Variants in SP1 observed in about 807,000 individuals in gnomAD.
The protein encoded by SP1 is transcription factor Sp1.
A neutral mutation model predicts 66.3 loss-of-function variants in SP1; 6 were observed. The observed-to-expected ratio is 0.09, with a 90% CI of 0.05 to 0.18. The LOEUF (loss-of-function observed/expected upper bound fraction) is 0.18, where lower values mean the gene tolerates loss of function less well. Among genes scored for constraint, SP1 ranks in the 10% least tolerant of loss-of-function variants. The pLI, the probability that SP1 is intolerant of heterozygous loss-of-function variation, is 1.00. For missense variants in SP1, 848 were observed against 964.5 expected (o/e 0.88, Z 1.60); for synonymous variants, 417 against 360.8 (o/e 1.16, Z -1.77).
chr12:53,405,982 AACTT>A (rs1425235756), intron 3 of SP1, among the ~76,000 whole-genome samples: 1 of 126,820 alleles, frequency 7.9e-6, no homozygotes, highest in African/African-American at 3.3e-5. Flanking sequence ...TGTACCGTAA[AACTT>A]AAAGTATAAT....
intron 3 of SP1, among the ~76,000 whole-genome samples, chr12:53,404,542 C>CAA (rs373558863): frequency 6.6e-4 from 63 of 95,798 alleles, no homozygotes; most frequent in Non-Finnish European, 7.6e-4. Context: ...AACTCAGTCT[C>CAA]AAAAAAAAAA....
chr12:53,383,121 C>G lies in SP1; in HGVS notation c.1174C>G (p.Gln392Glu), dbSNP rs1938147171. The G allele has an allele frequency of 6.2e-7, 1 of 1,614,214 alleles. No homozygotes were observed. Among genetic ancestry groups the G allele is most frequent in the African/African-American group, 1.3e-5 (1 of 75,036 alleles). ...AGQQKEGEQN[Q>E]QTQQQQILIQ... ...CCAGCAAAAAGAAGGAGAGCAAAAC[C>G]AGCAGACACAGCAGCAACAAATTCT... The change falls in exon 3 of 6, where the codon CAG becomes GAG. Residue 392 changes from glutamine to glutamate, a missense_variant. Gln to Glu is a conservative substitution (Grantham distance 29, BLOSUM62 2). Around this residue, in one of 7 missense-constraint regions of SP1, gnomAD observed 606 missense variants for 589.9 expected, o/e 1.03. Transcript: ENST00000327443.
At chr12:53,410,475 C>A (rs1938856848) in intron 5 of SP1, among the ~76,000 whole-genome samples, 2 of 151,932 alleles carry the variant, frequency 1.3e-5, no homozygotes, top group Admixed American at 1.3e-4. Flanking sequence ...TTCCTCACGC[C>A]CCCGCCAAAA....
chr12:53,408,680 G>GCAGA (rs1938808426), intron 4 of SP1, among the ~76,000 whole-genome samples: 1 of 151,654 alleles, frequency 6.6e-6, no homozygotes, highest in African/African-American at 2.4e-5. Flanking sequence ...GCCGAGGTGG[G>GCAGA]TGGATCACAA....
rs190710304 is a variant in SP1 at position 53,410,752 on chromosome 12, C to A, written c.2045-175C>A. Among the ~76,000 whole-genome samples, 6 of 152,258 alleles carry A rather than the reference C, an allele frequency of 3.9e-5. No homozygotes were observed. In the East Asian group the frequency reaches 1.2e-3, roughly 29 times the overall value. ...TCGTGATCTGCCCGCCTTGGCCTCC[C>A]AAAGTGCTGGGATTACAAGCGTGAG... On this transcript the variant is annotated intron_variant, in intron 5 of 5. Transcript: ENST00000327443.
At chr12:53,393,445 A>G (rs1481185044) in intron 3 of SP1, among the ~76,000 whole-genome samples, 1 of 148,610 alleles carries the variant, frequency 6.7e-6, no homozygotes, top group Non-Finnish European at 1.5e-5. Context: ...CCACCATGCC[A>G]GCTAATTTTG....
intron 3 of SP1, among the ~76,000 whole-genome samples, chr12:53,389,868 T>G (rs187213302): frequency 5.3e-5 from 8 of 152,228 alleles, no homozygotes; most frequent in Non-Finnish European, 8.8e-5. Flanking sequence ...GGCAGGAGAA[T>G]AGAACATATT....
At position 53,416,074 on chromosome 12, in the gene SP1, C is replaced by T. The variant is rs189979765; in HGVS notation, c.*4834C>T. 1 of 152,778 alleles carries T rather than the reference C, an allele frequency of 6.5e-6. No homozygotes were observed. Among genetic ancestry groups the T allele is most frequent in the Non-Finnish European group, 1.5e-5 (1 of 68,036 alleles). 9.5% of individuals were successfully genotyped at this position (152,778 alleles called of 1,614,324 possible). ...GGTGCCTAAAAACCCAAGTTTATTT[C>T]TCTCTTAACACTGGCAATAACCAGT... On this transcript the variant is annotated 3_prime_UTR_variant, in exon 6 of 6. Transcript: ENST00000327443.
rs568783177 is a variant in SP1, at chr12:53,403,942, C to T, written c.1676-2643C>T. On this transcript the variant is annotated intron_variant, in intron 3 of 5. Transcript: ENST00000327443. ...ATCCCAGCACTTTGGGAGGCCGAGG[C>T]GGGCGGATCATGAGGTCAGGAGACC... Among the ~76,000 whole-genome samples, 20 of 151,680 alleles carry T rather than the reference C, an allele frequency of 1.3e-4. No individual in the cohort carries two copies. In the East Asian group the frequency reaches 2.4e-3, roughly 18 times the overall value.
chr12:53,405,279 G>T (rs1437471113), intron 3 of SP1, among the ~76,000 whole-genome samples: 6 of 152,134 alleles, frequency 3.9e-5, no homozygotes, highest in African/African-American at 1.4e-4. Context: ...GTAAATATAT[G>T]GGCATTGCTG....
chr12:53,380,619 G>A (rs1938065105), intron 1 of SP1: 1 of 1,008,066 alleles, frequency 9.9e-7, no homozygotes, highest in South Asian at 4.6e-5. Flanking sequence ...GGGGGCTGGA[G>A]CCGCGGGGGC....
chr12:53,388,567 A>G lies in SP1; in HGVS notation c.1675+4945A>G, dbSNP rs530052143. On this transcript the variant is annotated intron_variant, in intron 3 of 5. Coordinates refer to ENST00000327443, the MANE Select transcript of SP1 (RefSeq NM_138473.3). ...GATCCAAGTTTTCTCCTTTCTGGCT[A>G]GTAATAATTGTGTAGTATTTCCCCT... 9.8e-5 allele frequency among the ~76,000 whole-genome samples: 15 copies of G among 152,322 alleles called. No homozygotes were observed. In the East Asian group the frequency reaches 2.9e-3, roughly 29 times the overall value.
In SP1 at chr12:53,393,517, A is replaced by G. The variant is rs182852925; in HGVS notation, c.1675+9895A>G. On this transcript the variant is annotated intron_variant, in intron 3 of 5. Transcript: ENST00000327443. ...AGGCTGGTGTCGAACTCCTGACCTC[A>G]GGTGATCTGCTCACCTCAGCCTCCC... 1.8e-3 allele frequency among the ~76,000 whole-genome samples: 278 copies of G among 151,242 alleles called. 1 individual carries two copies. The highest frequency in any genetic ancestry group is 1.8e-3 in the Non-Finnish European group (122 of 67,910).
intron 4 of SP1, among the ~76,000 whole-genome samples, chr12:53,407,180 G>A (rs1266523956): frequency 6.6e-6 from 1 of 151,180 alleles, no homozygotes; most frequent in East Asian, 2.0e-4. Context: ...TATAATCCCA[G>A]CACTTTGGGA....
chr12:53,413,632 C>T lies in SP1; in HGVS notation c.*2392C>T, dbSNP rs1938940161. ...CAGCCACTATCATACCCTTTATTCT[C>T]ACTGAAAGGCAGAACTCAGAACCTG... On this transcript the variant is annotated 3_prime_UTR_variant, in exon 6 of 6. Coordinates refer to ENST00000327443, the MANE Select transcript of SP1 (RefSeq NM_138473.3). 6.6e-6 allele frequency: 1 copy of T among 152,606 alleles called. No homozygotes were observed. The highest frequency in any genetic ancestry group is 2.4e-5 in the African/African-American group (1 of 41,454). The allele number at this position is 152,606 out of a possible 1,614,324, so 9.5% of individuals were successfully genotyped here.
Position 53,383,071 on chromosome 12 carries a change from C to T in SP1, c.1124C>T (p.Thr375Ile), listed in dbSNP as rs1466287015. ...GCTCTGAACATCCAGCAAAACCAGACATCTGGAGGCTCATTGCAAGCAGGC... is the reference window on the plus strand; with the variant it reads ...GCTCTGAACATCCAGCAAAACCAGATATCTGGAGGCTCATTGCAAGCAGGC... ...SDALNIQQNQ[T>I]SGGSLQAGQQ... The change falls in exon 3 of 6, where the codon ACA becomes ATA. Residue 375 changes from threonine to isoleucine, a missense_variant. Thr to Ile is a moderately conservative substitution (Grantham distance 89, BLOSUM62 -1). This residue lies in a region of SP1 where 606 missense variants were observed against 589.9 expected (regional missense o/e 1.03). Transcript: ENST00000327443. The T allele has an allele frequency of 3.7e-6, 6 of 1,614,190 alleles. No individual in the cohort carries two copies. Among genetic ancestry groups the T allele is most frequent in the Non-Finnish European group, 5.1e-6 (6 of 1,180,046 alleles).
At chr12:53,393,361 C>T (rs1261813026) in intron 3 of SP1, among the ~76,000 whole-genome samples, 11 of 151,564 alleles carry the variant, frequency 7.3e-5, no homozygotes, top group Non-Finnish European at 1.0e-4. Flanking sequence ...CTCTGCTCAC[C>T]GCAACCTCTG....
intron 3 of SP1, among the ~76,000 whole-genome samples, chr12:53,397,506 C>T (rs1938515736): frequency 6.7e-6 from 1 of 150,166 alleles, no homozygotes; most frequent in African/African-American, 2.4e-5. Flanking sequence ...TCTCTCTCAC[C>T]CAGACTGGAA....
chr12:53,396,926 G>T (rs1938504794), intron 3 of SP1, among the ~76,000 whole-genome samples: 1 of 151,902 alleles, frequency 6.6e-6, no homozygotes, highest in Non-Finnish European at 1.5e-5. Context: ...ACCACACCCG[G>T]CCTCTCCTGT....
Sources: gnomAD v4.1 joint callset for allele counts (sites outside exome capture counted in the v4.1 genomes callset) on GRCh38, gnomAD v4.1.1 for gene constraint, gnomAD v4.1.1 regional missense constraint, MANE v1.5 for transcripts, NCBI Gene and HGNC (gene_info 2026-07-23, HGNC 2026-07-21) for gene names.